Variants in UNC13C observed in about 807,000 individuals in gnomAD.
The protein encoded by UNC13C is protein unc-13 homolog C.
Under a neutral mutation model 245.4 loss-of-function variants are expected in UNC13C, and 174 were observed. The observed-to-expected ratio is 0.71, with a 90% CI of 0.63 to 0.80. The LOEUF (loss-of-function observed/expected upper bound fraction) is 0.80, where lower values mean the gene tolerates loss of function less well. Among genes scored for constraint, UNC13C ranks in the 30% least tolerant of loss-of-function variants. UNC13C has a pLI of 0.00. For missense variants in UNC13C, 2,829 were observed against 2,602.9 expected (o/e 1.09, Z -1.89); for synonymous variants, 992 against 895.1 (o/e 1.11, Z -1.93).
the UNC13C span, among the ~76,000 whole-genome samples, chr15:53,873,361 G>A: frequency 0.63 from 95,162 of 151,956 alleles, 29,844 homozygotes; most frequent in East Asian, 0.68. Flanking sequence ...GTACCCCGCA[G>A]CTTGCTCCTG....
chr15:53,906,940 G>A, the UNC13C span, among the ~76,000 whole-genome samples: 2 of 152,052 alleles, frequency 1.3e-5, no homozygotes, highest in Admixed American at 6.6e-5. Flanking sequence ...ACTCACTCAC[G>A]ATCATGATAA....
At chr15:53,920,176 T>A in the UNC13C span, among the ~76,000 whole-genome samples, 1 of 152,206 alleles carries the variant, frequency 6.6e-6, no homozygotes, top group Non-Finnish European at 1.5e-5. Context: ...TGTTGGATAT[T>A]AAGGTTGTTT....
chr15:54,050,107 T>C, intron 2 of UNC13C: 1 of 335,080 alleles, frequency 3.0e-6, no homozygotes, highest in South Asian at 2.4e-5. Flanking sequence ...GTAGCTGCGA[T>C]TACAGGCGCC....
chr15:54,564,299 TA>T (rs757443456), intron 29 of UNC13C, among the ~76,000 whole-genome samples: 41 of 152,080 alleles, frequency 2.7e-4, no homozygotes, highest in Middle Eastern at 6.8e-3. Flanking sequence ...TTTAACGGAA[TA>T]ACAAGTAAAA....
chr15:54,246,763 G>T (rs563607238), intron 7 of UNC13C, among the ~76,000 whole-genome samples: 1 of 149,220 alleles, frequency 6.7e-6, no homozygotes, highest in Non-Finnish European at 1.5e-5. Context: ...GGGTGGGGGT[G>T]GGAGGAGGGA....
chr15:54,500,382 A>AT (rs1307208380), intron 21 of UNC13C, among the ~76,000 whole-genome samples: 1 of 151,218 alleles, frequency 6.6e-6, no homozygotes, highest in Non-Finnish European at 1.5e-5. Flanking sequence ...TCAATCACCC[A>AT]TTTTTCCCAA....
chr15:54,538,133 CAAAAAAAAAAAAAAAAAAA>C lies in UNC13C; in HGVS notation c.5696+5080_5696+5098del, dbSNP rs56041311. 8.8e-4 allele frequency among the ~76,000 whole-genome samples: 9 copies of C among 10,254 alleles called. No individual in the cohort carries two copies. In the East Asian group the frequency reaches 0.023, roughly 26 times the overall value. 6.7% of individuals were successfully genotyped at this position (10,254 alleles called of 152,430 possible). A position where few individuals can be genotyped will look rare whatever the true frequency, so the allele number is the denominator to read the frequency against. On this transcript the variant is annotated intron_variant, in intron 26 of 32. Coordinates refer to ENST00000260323, the MANE Select transcript of UNC13C (RefSeq NM_001080534.3). Reference sequence around the variant, plus strand: ...TAAGGAGCTTAAATACATTAACAAGCAAAAAAAAAAAAAAAAAAAAAAAAAAAAAAACCCATTAAAAATG... The same window carrying C: ...TAAGGAGCTTAAATACATTAACAAGCAAAAAAAAAAAACCCATTAAAAATG...
chr15:54,280,958 C>T (rs1301916216), intron 10 of UNC13C, among the ~76,000 whole-genome samples: 10 of 151,732 alleles, frequency 6.6e-5, no homozygotes, highest in Admixed American at 2.6e-4. Context: ...CCACGATGCT[C>T]GGGAAATTTT....
intron 1 of UNC13C, among the ~76,000 whole-genome samples, chr15:53,999,934 A>G (rs1362525043): frequency 6.6e-6 from 1 of 151,998 alleles, no homozygotes; most frequent in Non-Finnish European, 1.5e-5. Context: ...CTTTTGAAAT[A>G]TTTGAGGCTT....
chr15:54,086,955 T>G (rs1899279584), intron 2 of UNC13C, among the ~76,000 whole-genome samples: 1 of 151,810 alleles, frequency 6.6e-6, no homozygotes. Context: ...AGGCTGGTCT[T>G]GAACTCCTGA....
chr15:54,599,341 G>T (rs1044551990), intron 30 of UNC13C, among the ~76,000 whole-genome samples: 20 of 152,200 alleles, frequency 1.3e-4, no homozygotes, highest in African/African-American at 2.9e-4. Context: ...ATCAAGAAAA[G>T]AGAAAGCCTG....
chr15:53,997,225 G>A (rs565274533), intron 1 of UNC13C, among the ~76,000 whole-genome samples: 14 of 152,092 alleles, frequency 9.2e-5, no homozygotes, highest in Non-Finnish European at 2.1e-4. Context: ...TTGGTGAAGT[G>A]TTTATTCAAG....
the UNC13C span, among the ~76,000 whole-genome samples, chr15:53,896,203 A>T: frequency 5.3e-5 from 8 of 152,054 alleles, 1 homozygote; most frequent in Non-Finnish European, 7.4e-5. Flanking sequence ...GTGTGTAACT[A>T]TCACTGTTTC....
chr15:54,503,594 G>A (rs1028788226), intron 22 of UNC13C, among the ~76,000 whole-genome samples: 10 of 151,764 alleles, frequency 6.6e-5, no homozygotes, highest in African/African-American at 2.2e-4. Context: ...CACCATACCC[G>A]GCTAATTTTT....
At chr15:54,478,369 T>C (rs146015986) in intron 19 of UNC13C, among the ~76,000 whole-genome samples, 5,522 of 109,506 alleles carry the variant, frequency 0.05, 1,568 homozygotes, top group East Asian at 0.24. Context: ...AATTTGTTTG[T>C]TCTTGCTTTT....
At chr15:54,433,376 T>G (rs2140978248) in intron 19 of UNC13C, among the ~76,000 whole-genome samples, 1 of 152,188 alleles carries the variant, frequency 6.6e-6, no homozygotes, top group Admixed American at 6.5e-5. Context: ...ATCAACAAGC[T>G]TATCCACCAC....
At position 54,544,513 on chromosome 15, in the gene UNC13C, G is replaced by A. The variant is rs1896399377; in HGVS notation, c.5697-2209G>A. On this transcript the variant is annotated intron_variant, in intron 26 of 32. Coordinates refer to ENST00000260323, the MANE Select transcript of UNC13C (RefSeq NM_001080534.3). ...GAAAAGAGGAAGTCAAATTGTCTCT[G>A]TTTGCAGATGACATGATTGTATATT... 1.3e-5 allele frequency among the ~76,000 whole-genome samples: 2 copies of A among 152,176 alleles called. 1 individual carries two copies. The highest frequency in any genetic ancestry group is 4.1e-4 in the South Asian group (2 of 4,830).
intron 2 of UNC13C, among the ~76,000 whole-genome samples, chr15:54,120,199 T>C (rs1454937774): frequency 6.6e-6 from 1 of 152,132 alleles, no homozygotes; most frequent in African/African-American, 2.4e-5. Context: ...GTGCCTGGCT[T>C]CCAAGCTTCA....
chr15:54,156,792 T>C (rs769418047), intron 4 of UNC13C, among the ~76,000 whole-genome samples: 2 of 150,992 alleles, frequency 1.3e-5, no homozygotes, highest in African/African-American at 4.9e-5. Context: ...CTAGACATAT[T>C]TGATGAAAGA....
Sources: allele counts gnomAD v4.1 joint callset (sites outside exome capture counted in the v4.1 genomes callset), GRCh38; gene constraint gnomAD v4.1.1; transcripts MANE v1.5; gene names NCBI Gene and HGNC (gene_info 2026-07-23, HGNC 2026-07-21).